Variants in RABGEF1 observed in about 807,000 individuals in gnomAD.
RABGEF1 encodes the protein rab5 GDP/GTP exchange factor.
A neutral mutation model predicts 57.3 loss-of-function variants in RABGEF1; 26 were observed. The ratio of observed to expected loss-of-function variants is 0.45; its 90% confidence interval spans 0.33 to 0.63. The LOEUF (loss-of-function observed/expected upper bound fraction) is 0.63, where lower values mean the gene tolerates loss of function less well. Among genes scored for constraint, RABGEF1 ranks in the 20% least tolerant of loss-of-function variants. RABGEF1 has a pLI of 0.02. For synonymous variants in RABGEF1, 185 were observed against 210.7 expected, an observed-to-expected ratio of 0.88 and a Z score of 1.06; for missense variants, 464 against 607.6, an observed-to-expected ratio of 0.76 and a Z score of 2.48.
At chr7:66,794,207 ATTTTT>A (rs1174835014) in intron 4 of RABGEF1, among the ~76,000 whole-genome samples, 2 of 91,102 alleles carry the variant, frequency 2.2e-5, no homozygotes, top group African/African-American at 8.8e-5. Context: ...TCCATGTTTA[ATTTTT>A]TTTTTTTTTT....
chr7:66,706,799 T>G (rs1444416533), intron 1 of RABGEF1, among the ~76,000 whole-genome samples: 5 of 139,946 alleles, frequency 3.6e-5, no homozygotes, highest in Non-Finnish European at 6.2e-5. Flanking sequence ...TTTTTTTTTT[T>G]GAGAGGGAGT....
At chr7:66,720,778 T>A (rs1163547789) in intron 2 of RABGEF1, among the ~76,000 whole-genome samples, 1 of 152,136 alleles carries the variant, frequency 6.6e-6, no homozygotes, top group Non-Finnish European at 1.5e-5. Context: ...GCAGACAACA[T>A]GATCATCTGT....
intron 2 of RABGEF1, among the ~76,000 whole-genome samples, chr7:66,728,024 C>A (rs566252801): frequency 1.6e-4 from 25 of 152,312 alleles, no homozygotes; most frequent in African/African-American, 6.0e-4. Flanking sequence ...CCAATGTCCC[C>A]CTTCCACCTT....
chr7:66,764,538 T>C (rs1310761890), intron 1 of RABGEF1, among the ~76,000 whole-genome samples: 1 of 152,238 alleles, frequency 6.6e-6, no homozygotes, highest in African/African-American at 2.4e-5. Context: ...AAATCCAATA[T>C]CATGAAAATT....
At chr7:66,805,040 A>G (rs1788139045) in intron 7 of RABGEF1, 100 bp from the exon 8 acceptor site, 1 of 1,333,530 alleles carries the variant, frequency 7.5e-7, no homozygotes, top group Admixed American at 2.1e-5. Flanking sequence ...AGGGGTTAAT[A>G]AGGATTCCTT....
chr7:66,736,053 G>A (rs1373758601), upstream of RABGEF1, among the ~76,000 whole-genome samples: 1 of 152,076 alleles, frequency 6.6e-6, no homozygotes, highest in African/African-American at 2.4e-5. Context: ...GGAGATCCTA[G>A]CCAATGCAGT....
At chr7:66,792,044 G>A (rs1292297095) in intron 4 of RABGEF1, among the ~76,000 whole-genome samples, 6 of 151,416 alleles carry the variant, frequency 4.0e-5, no homozygotes, top group African/African-American at 1.5e-4. Flanking sequence ...CCTGGGAGGC[G>A]TAGGTTGCAG....
intron 2 of RABGEF1, among the ~76,000 whole-genome samples, chr7:66,714,420 A>G (rs1352587471): frequency 6.6e-6 from 1 of 152,164 alleles, no homozygotes; most frequent in East Asian, 1.9e-4. Context: ...CACGTATTTC[A>G]TTCCCAATAT....
chr7:66,744,844 T>G (rs1442056984), intron 1 of RABGEF1, among the ~76,000 whole-genome samples: 1 of 152,120 alleles, frequency 6.6e-6, no homozygotes, highest in Non-Finnish European at 1.5e-5. Flanking sequence ...CTTAACTGAT[T>G]TGATAAGAAT....
upstream of RABGEF1, among the ~76,000 whole-genome samples, chr7:66,678,338 G>A (rs1344656705): frequency 6.6e-6 from 1 of 151,998 alleles, no homozygotes; most frequent in African/African-American, 2.4e-5. Context: ...GGCCGAGGTG[G>A]GCGGATCACG....
intron 3 of RABGEF1, among the ~76,000 whole-genome samples, chr7:66,778,733 A>G (rs1231108183): frequency 6.6e-6 from 1 of 152,134 alleles, no homozygotes; most frequent in Non-Finnish European, 1.5e-5. Context: ...GGCCCCTTCA[A>G]TATTTTGGGG....
At chr7:66,702,419 A>G (rs1793435437) in intron 1 of RABGEF1, among the ~76,000 whole-genome samples, 1 of 146,074 alleles carries the variant, frequency 6.8e-6, no homozygotes, top group African/African-American at 2.6e-5. Flanking sequence ...ACTTTTGGGT[A>G]TTTTGAATAG....
At chr7:66,767,166 C>G (rs554142877) in intron 1 of RABGEF1, among the ~76,000 whole-genome samples, 1 of 152,058 alleles carries the variant, frequency 6.6e-6, no homozygotes, top group East Asian at 1.9e-4. Context: ...CCATGCTCAG[C>G]TAATTTTTGT....
At chr7:66,796,571 G>A (rs558482101) in intron 5 of RABGEF1, among the ~76,000 whole-genome samples, 16 of 152,156 alleles carry the variant, frequency 1.1e-4, no homozygotes, top group South Asian at 6.2e-4. Flanking sequence ...CCAACAGTTG[G>A]AAGAAGATTT....
chr7:66,701,122 T>C (rs1029949010), intron 1 of RABGEF1, among the ~76,000 whole-genome samples: 2 of 151,940 alleles, frequency 1.3e-5, no homozygotes, highest in South Asian at 2.1e-4. Flanking sequence ...GCAGGTATGA[T>C]AGGAAGAAGG....
intron 3 of RABGEF1, 69 bp downstream of exon 3, chr7:66,775,462 T>C: frequency 6.5e-7 from 1 of 1,542,004 alleles, no homozygotes; most frequent in Non-Finnish European, 8.8e-7. Context: ...CCAATGCTCA[T>C]AAGCTCAGCT....
At chr7:66,714,638 T>G (rs1795152559) in intron 2 of RABGEF1, among the ~76,000 whole-genome samples, 1 of 152,180 alleles carries the variant, frequency 6.6e-6, no homozygotes, top group Non-Finnish European at 1.5e-5. Context: ...TATAGTTTCT[T>G]AAAACAGAAA....
intron 2 of RABGEF1, among the ~76,000 whole-genome samples, chr7:66,723,262 CT>C (rs1796244083): frequency 6.6e-6 from 1 of 152,184 alleles, no homozygotes; most frequent in Non-Finnish European, 1.5e-5. Flanking sequence ...AGCCACCACA[CT>C]GGGTCTCCTA....
At chr7:66,777,564 G>A (rs1808839526) in intron 3 of RABGEF1, among the ~76,000 whole-genome samples, 2 of 152,106 alleles carry the variant, frequency 1.3e-5, no homozygotes, top group Admixed American at 1.3e-4. Context: ...AAAAGCCTCT[G>A]TACAGTGTGC....
Sources: gnomAD v4.1 joint callset for allele counts (sites outside exome capture counted in the v4.1 genomes callset) on GRCh38, gnomAD v4.1.1 for gene constraint, MANE v1.5 for transcripts, NCBI Gene and HGNC (gene_info 2026-07-23, HGNC 2026-07-21) for gene names.